ITGA3: variants seen among roughly 807,000 people sequenced by gnomAD.
ITGA3 encodes the protein integrin subunit alpha 3.
ITGA3 carries 70 observed loss-of-function variants against 131.1 expected under a neutral mutation model. The observed-to-expected ratio is 0.53, with a 90% CI of 0.44 to 0.65. The LOEUF (loss-of-function observed/expected upper bound fraction) is 0.65. Ranked by LOEUF, ITGA3 falls within the 30% of genes least tolerant of loss-of-function variation. ITGA3 has a pLI of 0.00. For synonymous variants in ITGA3, 537 were observed against 571.6 expected (o/e 0.94, Z 0.86); for missense variants, 1,098 against 1,388.6 (o/e 0.79, Z 3.33).
chr17:50,083,837 A>T (rs1321176957), intron 23 of ITGA3, among the ~76,000 whole-genome samples: 1 of 152,160 alleles, frequency 6.6e-6, no homozygotes, highest in Non-Finnish European at 1.5e-5. Context: ...AAGGATATCA[A>T]TTGGCAGCGT....
chr17:50,079,529 C>G lies in ITGA3; in HGVS notation c.2678C>G (p.Ala893Gly). 1 of 1,558,552 alleles carries G rather than the reference C, an allele frequency of 6.4e-7. No individual in the cohort carries two copies. Residue 893 changes from alanine to glycine, a missense_variant, in exon 21 of 26, where the codon GCC becomes GGC. Physicochemically the swap from Ala to Gly is moderately conservative, Grantham distance 60. Coordinates refer to ENST00000320031, the MANE Select transcript of ITGA3 (RefSeq NM_002204.4). The stretch of plus-strand genomic sequence containing the variant: ...CCCCCACCTGTCACTCTGGCTGCTG[C>G]CAAAAAAGCCAAGTCTGAGACTGTG... ...QGPPPVTLAAAKKAKSETVLT... is the reference protein window; with the variant it reads ...QGPPPVTLAAGKKAKSETVLT...
intron 3 of ITGA3, among the ~76,000 whole-genome samples, chr17:50,067,229 C>T (rs1908386147): frequency 6.6e-6 from 1 of 152,154 alleles, no homozygotes; most frequent in South Asian, 2.1e-4. Context: ...TAGAAGGGAC[C>T]ACAGAAAGCA....
At chr17:50,071,934 C>T in intron 6 of ITGA3, 52 bp from the exon 7 acceptor site, 2 of 1,504,618 alleles carry the variant, frequency 1.3e-6, no homozygotes, top group Non-Finnish European at 1.8e-6. Context: ...AAGAACTATG[C>T]TGCATATTGG....
At chr17:50,087,627 C>A in intron 23 of ITGA3, 117 bp from the exon 24 acceptor site, 1 of 1,189,916 alleles carries the variant, frequency 8.4e-7, no homozygotes, top group Non-Finnish European at 1.2e-6. Context: ...CAGTCCCAGG[C>A]TGCCCCCTAC....
At chr17:50,063,981 C>T in intron 1 of ITGA3, 96 bp from the exon 2 acceptor site, 6 of 1,500,872 alleles carry the variant, frequency 4.0e-6, no homozygotes, top group Non-Finnish European at 4.5e-6. Flanking sequence ...TCTCCTGGCA[C>T]CAAGAATCTG....
chr17:50,071,279 G>C, intron 5 of ITGA3, 32 bp from the exon 6 acceptor site: 1 of 1,596,026 alleles, frequency 6.3e-7, no homozygotes, highest in Non-Finnish European at 8.6e-7. Context: ...AGTTGACTGG[G>C]ACCTTGGTTG....
intron 3 of ITGA3, chr17:50,065,257 T>C (rs1022993221): frequency 2.1e-4 from 32 of 152,348 alleles, no homozygotes; most frequent in African/African-American, 7.2e-4. Flanking sequence ...GCCACCAGGA[T>C]GTGATTTATC....
Position 50,064,590 on chromosome 17 carries a change from C to A in ITGA3, c.397C>A (p.Pro133Thr), listed in dbSNP as rs747252739. 1.2e-6 allele frequency: 2 copies of A among 1,612,694 alleles called. No homozygotes were observed. Among genetic ancestry groups the A allele is most frequent in the Admixed American group, 3.3e-5 (2 of 59,876 alleles). Residue 133 changes from proline (P) to threonine (T), a missense_variant, in exon 3 of 26, where the codon CCT (proline) becomes ACT (threonine). Coordinates refer to ENST00000320031, the MANE Select transcript of ITGA3 (RefSeq NM_002204.4). The surrounding 1 kb of genome is among the most constrained non-coding windows in gnomAD (Gnocchi z 4.4). ...TGGAGTGACTGTGGCCAGCCAGGGC[C>A]CTGCAGGCAGAGTTCTGGTAAGTGG... ...WLGVTVASQG[P>T]AGRVLVCAHR...
intron 15 of ITGA3, 119 bp from the exon 16 acceptor site, chr17:50,077,260 T>A: frequency 7.7e-7 from 1 of 1,303,512 alleles, no homozygotes; most frequent in Non-Finnish European, 1.1e-6. Context: ...GGCCTTAGCG[T>A]CTCTGCTGCT....
rs773643680 is a variant in ITGA3 at position 50,077,111 on chromosome 17, C to T, written c.2060C>T (p.Ser687Leu). 1.1e-4 allele frequency: 167 copies of T among 1,555,104 alleles called. No individual in the cohort carries two copies. Among genetic ancestry groups the T allele is most frequent in the Non-Finnish European group, 1.3e-4 (148 of 1,146,068 alleles). The change falls in exon 15 of 26, where the codon TCA (serine) becomes TTA (leucine). Residue 687 changes from serine (S) to leucine (L), a missense_variant. By Grantham distance (145) the Ser-to-Leu change is moderately radical. This residue lies in a region of ITGA3 where 699 missense variants were observed against 829.2 expected (regional missense o/e 0.84). Coordinates refer to ENST00000320031, the MANE Select transcript of ITGA3 (RefSeq NM_002204.4). The part of the protein sequence containing the change: ...LVVPPALLLS[S>L]VRPPGACQAN... ...GTGCCTCCCGCCCTGCTGCTGTCCT[C>T]AGTGCGCCCCGTGAGTGCCCGCCGG... is the stretch of plus-strand genomic sequence containing the variant.
At chr17:50,079,692 C>A in intron 21 of ITGA3, 135 bp downstream of exon 21, 1 of 1,011,156 alleles carries the variant, frequency 9.9e-7, no homozygotes, top group Non-Finnish European at 1.3e-6. Flanking sequence ...AGCCTCCAGA[C>A]AGAGCAGGGA....
chr17:50,076,685 G>C lies in ITGA3; in HGVS notation c.1922+4G>C. 1 of 1,611,526 alleles carries C rather than the reference G, an allele frequency of 6.2e-7. No individual in the cohort carries two copies. The highest frequency in any genetic ancestry group is 8.5e-7 in the Non-Finnish European group (1 of 1,178,212). On this transcript the variant is annotated splice_donor_region_variant and intron_variant, in intron 14 of 25. Coordinates refer to ENST00000320031, the MANE Select transcript of ITGA3 (RefSeq NM_002204.4). ...AGCAGCAGCAGAAGCTGAGCAGGTG[G>C]CTGTGGGCCGCCGGCCGCGTTAATC... is the stretch of plus-strand genomic sequence containing the variant.
intron 4 of ITGA3, among the ~76,000 whole-genome samples, chr17:50,068,818 ATTTATTTATTTATTTATTTAT>A (rs1908461121): frequency 1.7e-5 from 2 of 117,514 alleles, no homozygotes; most frequent in African/African-American, 5.8e-5. Flanking sequence ...AGTCTTTTTT[ATTTATTTATTTATTTATTTAT>A]TTATTTATTT....
At position 50,089,679 on chromosome 17, in the gene ITGA3, CCA is replaced by C. The variant is rs1052764750; in HGVS notation, c.*604_*605del. The C allele has an allele frequency of 1.7e-5, 3 of 181,504 alleles. No homozygotes were observed. Among genetic ancestry groups the C allele is most frequent in the Admixed American group, 5.5e-5 (1 of 18,226 alleles). The allele number at this position is 181,504 out of a possible 1,614,324, so 11.2% of individuals were successfully genotyped here. A position where few individuals can be genotyped will look rare whatever the true frequency, so the allele number is the denominator to read the frequency against. On this transcript the variant is annotated 3_prime_UTR_variant, in exon 26 of 26. Transcript: ENST00000320031. Reference sequence around the variant, plus strand: ...CCTTTCACACTGGATCCATCTTGAGCCACAGTCACTGGATTGACTTTGCTGTC... The same window carrying C: ...CCTTTCACACTGGATCCATCTTGAGCCAGTCACTGGATTGACTTTGCTGTC...
At position 50,079,530 on chromosome 17, in the gene ITGA3, C is replaced by T; in HGVS notation, c.2679C>T (p.Ala893=). 1 of 1,557,910 alleles carries T rather than the reference C, an allele frequency of 6.4e-7. No individual in the cohort carries two copies. The part of the protein sequence containing the change: ...QGPPPVTLAA[A]KKAKSETVLT... ...CCCCACCTGTCACTCTGGCTGCTGC[C>T]AAAAAAGCCAAGTCTGAGACTGTGC... The change falls in exon 21 of 26, where the codon GCC becomes GCT. Residue 893 remains alanine, a synonymous_variant. Coordinates refer to ENST00000320031, the MANE Select transcript of ITGA3 (RefSeq NM_002204.4).
chr17:50,056,695 C>T lies in ITGA3; in HGVS notation c.206+50C>T. On this transcript the variant is annotated intron_variant, in intron 1 of 25. Transcript: ENST00000320031. This position sits in a 1 kb window ranked among gnomAD's most constrained non-coding sequence, Gnocchi z 5.6. ...GTGGGAGCGAGAGAGTGTGCGAGCG[C>T]GGGATGCGGGTCCGGAGCTGAGTCG... 2.6e-6 allele frequency: 4 copies of T among 1,532,358 alleles called. No homozygotes were observed. The highest frequency in any genetic ancestry group is 3.5e-6 in the Non-Finnish European group (4 of 1,132,366). 94.9% of individuals were successfully genotyped at this position (1,532,358 alleles called of 1,614,324 possible).
chr17:50,067,128 AGCCCC>A (rs2144270630), intron 3 of ITGA3, among the ~76,000 whole-genome samples: 2 of 152,326 alleles, frequency 1.3e-5, no homozygotes, highest in Non-Finnish European at 2.9e-5. Flanking sequence ...ATATTTGGTG[AGCCCC>A]TACTGTGTAC....
At position 50,064,038 on chromosome 17, in the gene ITGA3, G is replaced by T; in HGVS notation, c.207-39G>T. On this transcript the variant is annotated intron_variant, in intron 1 of 25. Coordinates refer to ENST00000320031, the MANE Select transcript of ITGA3 (RefSeq NM_002204.4). This position sits in a 1 kb window ranked among gnomAD's most constrained non-coding sequence, Gnocchi z 4.4. ...ACAAGTTGTTCCAAGTGGGGCTTGGGGAGTCTGAACCCGGACCCACCTCCG... is the reference window on the plus strand; with the variant it reads ...ACAAGTTGTTCCAAGTGGGGCTTGGTGAGTCTGAACCCGGACCCACCTCCG... The T allele has an allele frequency of 6.2e-7, 1 of 1,607,232 alleles. No homozygotes were observed. The highest frequency in any genetic ancestry group is 1.7e-5 in the Admixed American group (1 of 59,472).
chr17:50,071,352 A>C lies in ITGA3; in HGVS notation c.793A>C (p.Asn265His). The C allele has an allele frequency of 6.2e-7, 1 of 1,614,152 alleles. No homozygotes were observed. The highest frequency in any genetic ancestry group is 1.1e-5 in the South Asian group (1 of 91,088). ...AGGCAGCTTCATCCTGCACCCCAAAAACATCACCATTGTGACAGGTGCCCC... is the reference window on the plus strand; with the variant it reads ...AGGCAGCTTCATCCTGCACCCCAAACACATCACCATTGTGACAGGTGCCCC... Reference protein sequence around the residue: ...QVGSFILHPKNITIVTGAPRH... With the variant: ...QVGSFILHPKHITIVTGAPRH... The change falls in exon 6 of 26, where the codon AAC becomes CAC. Residue 265 changes from asparagine to histidine, a missense_variant. Transcript: ENST00000320031.
Sources: allele counts gnomAD v4.1 joint callset (sites outside exome capture counted in the v4.1 genomes callset), GRCh38; gene constraint gnomAD v4.1.1; regional missense constraint gnomAD v4.1.1; non-coding constraint Gnocchi (gnomAD v3.1); transcripts MANE v1.5; gene names NCBI Gene and HGNC (gene_info 2026-07-23, HGNC 2026-07-21).